The following FAM174A variants were observed in gnomAD, a reference collection of about 807,000 sequenced individuals.
FAM174A encodes the protein family with sequence similarity 174 member A.
In FAM174A, 14 loss-of-function variants were observed where a neutral mutation model predicts 14.3. The ratio of observed to expected loss-of-function variants is 0.98; its 90% CI spans 0.65 to 1.53. FAM174A has a LOEUF of 1.53. Among genes scored for constraint, FAM174A ranks in the 40% most tolerant of loss-of-function variants. FAM174A has a pLI of 0.00. For missense variants in FAM174A, 241 were observed against 249.6 expected (o/e 0.97, Z 0.23); for synonymous variants, 108 against 111.4 (o/e 0.97, Z 0.19).
intron 2 of FAM174A, among the ~76,000 whole-genome samples, chr5:100,565,566 T>C (rs780211134): frequency 1.3e-5 from 2 of 151,866 alleles, no homozygotes; most frequent in Admixed American, 6.6e-5. Flanking sequence ...ACAGCTGTTA[T>C]GGAAAGCAGT....
At chr5:100,562,458 T>G (rs865960635) in intron 2 of FAM174A, among the ~76,000 whole-genome samples, 11 of 152,008 alleles carry the variant, frequency 7.2e-5, no homozygotes, top group Non-Finnish European at 1.2e-4. Flanking sequence ...GGGGTACAAG[T>G]GCAGGGTCGT....
rs1746541029 is a variant in FAM174A at position 100,562,256 on chromosome 5, A to G, written c.569+68A>G. 4 of 1,400,416 alleles carry G rather than the reference A, an allele frequency of 2.9e-6. No individual in the cohort carries two copies. The African/African-American group carries it at 4.5e-5, about 16-fold the overall frequency. The allele number at this position is 1,400,416 out of a possible 1,614,324, so 86.7% of individuals were successfully genotyped here. A position where few individuals can be genotyped will look rare whatever the true frequency, so the allele number is the denominator to read the frequency against. On this transcript the variant is annotated intron_variant, in intron 2 of 2. Coordinates refer to ENST00000312637, the MANE Select transcript of FAM174A (RefSeq NM_198507.3). Reference sequence around the variant, plus strand: ...TCCTTGCCAAGTAAACTGAAGAAGTAAAGTAGACTTTCATTTAACAGCTTA... The same window carrying G: ...TCCTTGCCAAGTAAACTGAAGAAGTGAAGTAGACTTTCATTTAACAGCTTA...
chr5:100,578,285 G>C (rs1746942202), intron 2 of FAM174A, among the ~76,000 whole-genome samples: 1 of 152,092 alleles, frequency 6.6e-6, no homozygotes, highest in Non-Finnish European at 1.5e-5. Flanking sequence ...TTCTGTTATT[G>C]ACTGAATGCC....
intron 1 of FAM174A, among the ~76,000 whole-genome samples, chr5:100,558,789 G>T (rs1274287391): frequency 6.6e-6 from 1 of 151,972 alleles, no homozygotes; most frequent in African/African-American, 2.4e-5. Context: ...CCATTTGCTT[G>T]GTAGATCTTC....
intron 1 of FAM174A, among the ~76,000 whole-genome samples, chr5:100,552,137 A>G (rs1299812764): frequency 6.6e-6 from 1 of 152,142 alleles, no homozygotes; most frequent in Non-Finnish European, 1.5e-5. Flanking sequence ...GGTCAAAAGA[A>G]TTTTTACTAT....
chr5:100,578,750 G>A (rs1041465854), intron 2 of FAM174A, among the ~76,000 whole-genome samples: 2 of 152,158 alleles, frequency 1.3e-5, no homozygotes, highest in Non-Finnish European at 2.9e-5. Flanking sequence ...GTGATTAAAA[G>A]AATGAATGTA....
chr5:100,535,410 C>T lies in FAM174A; in HGVS notation c.-121C>T. On this transcript the variant is annotated 5_prime_UTR_variant, in exon 1 of 3. Transcript: ENST00000312637. ...CTGTAGCTTCTGCCACCTGCCACGA[C>T]CGGGCCTCTCCCTGGCGTTTGGTCA... The T allele has an allele frequency of 9.3e-7, 1 of 1,074,802 alleles. No individual in the cohort carries two copies. The highest frequency in any genetic ancestry group is 1.5e-5 in the South Asian group (1 of 66,630). 66.6% of individuals were successfully genotyped at this position (1,074,802 alleles called of 1,614,324 possible). A position where few individuals can be genotyped will look rare whatever the true frequency, so the allele number is the denominator to read the frequency against.
chr5:100,539,973 C>T (rs917043190), intron 1 of FAM174A, among the ~76,000 whole-genome samples: 6 of 152,172 alleles, frequency 3.9e-5, no homozygotes. Context: ...CCTACCTCAA[C>T]TCCCTGCATT....
At chr5:100,551,746 A>G (rs925331885) in intron 1 of FAM174A, among the ~76,000 whole-genome samples, 44 of 152,076 alleles carry the variant, frequency 2.9e-4, no homozygotes, top group African/African-American at 1.0e-3. Context: ...GTTCCTTCTG[A>G]GGTCTGTGAG....
intron 1 of FAM174A, among the ~76,000 whole-genome samples, chr5:100,561,622 C>T (rs1213822976): frequency 2.0e-5 from 3 of 151,812 alleles, no homozygotes; most frequent in Non-Finnish European, 4.4e-5. Flanking sequence ...TCAGTTTAGT[C>T]TGTGAATATG....
chr5:100,580,926 GTTGT>G (rs773361122), intron 2 of FAM174A, among the ~76,000 whole-genome samples: 21 of 152,084 alleles, frequency 1.4e-4, no homozygotes, highest in South Asian at 2.1e-4. Flanking sequence ...GTTTGTTTTT[GTTGT>G]TTGTTTGTTT....
intron 2 of FAM174A, among the ~76,000 whole-genome samples, chr5:100,565,216 C>T (rs981965763): frequency 1.3e-5 from 2 of 151,566 alleles, no homozygotes; most frequent in Non-Finnish European, 2.9e-5. Context: ...ACATGCAAAT[C>T]AATGCAATAG....
At chr5:100,539,078 T>C (rs1053035338) in intron 1 of FAM174A, among the ~76,000 whole-genome samples, 3 of 151,918 alleles carry the variant, frequency 2.0e-5, no homozygotes, top group Non-Finnish European at 4.4e-5. Flanking sequence ...AACCCTCTAC[T>C]TTTTTTAAAA....
chr5:100,557,758 G>A (rs537529113), intron 1 of FAM174A, among the ~76,000 whole-genome samples: 1 of 152,240 alleles, frequency 6.6e-6, no homozygotes, highest in African/African-American at 2.4e-5. Flanking sequence ...ATGGTAGTTT[G>A]TATTGCCATG....
chr5:100,559,616 G>A (rs576538933), intron 1 of FAM174A, among the ~76,000 whole-genome samples: 1 of 152,076 alleles, frequency 6.6e-6, no homozygotes, highest in Non-Finnish European at 1.5e-5. Flanking sequence ...TTTTCACATA[G>A]TCCCATATTT....
At chr5:100,553,088 T>C (rs1580366911) in intron 1 of FAM174A, among the ~76,000 whole-genome samples, 2 of 152,060 alleles carry the variant, frequency 1.3e-5, no homozygotes, top group South Asian at 4.1e-4. Context: ...ATAATATATA[T>C]GTAATTGTCA....
intron 2 of FAM174A, among the ~76,000 whole-genome samples, chr5:100,573,164 T>A (rs1311822068): frequency 1.6e-4 from 25 of 152,026 alleles, no homozygotes; most frequent in East Asian, 7.7e-4. Flanking sequence ...CCTTTGTCAG[T>A]TGAGTAGGTT....
intron 2 of FAM174A, among the ~76,000 whole-genome samples, chr5:100,573,673 G>A (rs1478900539): frequency 1.3e-5 from 2 of 150,172 alleles, no homozygotes; most frequent in African/African-American, 2.5e-5. Context: ...CAGATTCAAT[G>A]CCATCCCCAT....
At chr5:100,540,667 C>T (rs1746032284) in intron 1 of FAM174A, among the ~76,000 whole-genome samples, 1 of 152,070 alleles carries the variant, frequency 6.6e-6, no homozygotes. Flanking sequence ...GCTATGTGGT[C>T]AAGTGCCAAA....
Sources: gnomAD v4.1 joint callset for allele counts (sites outside exome capture counted in the v4.1 genomes callset) on GRCh38, gnomAD v4.1.1 for gene constraint, MANE v1.5 for transcripts, NCBI Gene and HGNC (gene_info 2026-07-23, HGNC 2026-07-21) for gene names.